Variants in FER observed in about 807,000 individuals in gnomAD.
FER encodes FER tyrosine kinase, also known as tyrosine-protein kinase Fer.
FER carries 63 observed loss-of-function variants against 111.0 expected under a neutral mutation model. The ratio of observed to expected loss-of-function variants is 0.57; its 90% CI spans 0.46 to 0.70. The LOEUF (loss-of-function observed/expected upper bound fraction) is 0.70, where lower values mean the gene tolerates loss of function less well. Ranked by LOEUF, FER falls within the 30% of genes least tolerant of loss-of-function variation. The pLI, the probability that FER is intolerant of heterozygous loss-of-function variation, is 0.00. For missense variants in FER, 914 were observed against 954.0 expected (o/e 0.96, Z 0.55); for synonymous variants, 327 against 313.9 (o/e 1.04, Z -0.44).
At chr5:108,960,588 T>C (rs62377119) in intron 13 of FER, among the ~76,000 whole-genome samples, 13,808 of 152,150 alleles carry the variant, frequency 0.091, 850 homozygotes, top group Non-Finnish European at 0.13. Context: ...TCCTCCTTCA[T>C]CTGTAAATGA....
At chr5:108,835,497 C>T (rs540135927) in intron 4 of FER, among the ~76,000 whole-genome samples, 13 of 152,034 alleles carry the variant, frequency 8.6e-5, no homozygotes, top group African/African-American at 3.1e-4. Flanking sequence ...TTGCTATTCT[C>T]TTAAAAAAGT....
intron 15 of FER, among the ~76,000 whole-genome samples, chr5:109,045,056 A>G (rs371175847): frequency 6.6e-6 from 1 of 151,966 alleles, no homozygotes; most frequent in Non-Finnish European, 1.5e-5. Context: ...ACATATACAT[A>G]TATGTATATA....
At chr5:109,139,605 T>A (rs984035270) in intron 17 of FER, among the ~76,000 whole-genome samples, 1 of 152,124 alleles carries the variant, frequency 6.6e-6, no homozygotes, top group Admixed American at 6.5e-5. Flanking sequence ...TTTGTTTCAC[T>A]TTTTTGCCCA....
At chr5:109,149,713 G>A (rs1254469252) in intron 17 of FER, among the ~76,000 whole-genome samples, 4 of 152,030 alleles carry the variant, frequency 2.6e-5, no homozygotes, top group Non-Finnish European at 5.9e-5. Context: ...ATGGAAACAC[G>A]CTTATAAGAT....
chr5:108,882,563 CG>C (rs918049063), intron 8 of FER, among the ~76,000 whole-genome samples: 13 of 151,734 alleles, frequency 8.6e-5, no homozygotes, highest in African/African-American at 3.1e-4. Flanking sequence ...TTTTTCTGCA[CG>C]AAAAGGGCTC....
intron 1 of FER, among the ~76,000 whole-genome samples, chr5:108,764,075 C>T (rs1446791263): frequency 1.3e-5 from 2 of 152,198 alleles, no homozygotes; most frequent in African/African-American, 4.8e-5. Context: ...TTCCCAGACC[C>T]AGGTTATGTT....
intron 10 of FER, among the ~76,000 whole-genome samples, chr5:108,937,481 A>G (rs1181432219): frequency 6.6e-6 from 1 of 152,020 alleles, no homozygotes. Context: ...TTCAGGTGGT[A>G]ATTGAAGTTG....
At chr5:109,035,140 TCTC>T (rs1340264800) in intron 13 of FER, among the ~76,000 whole-genome samples, 3 of 151,638 alleles carry the variant, frequency 2.0e-5, no homozygotes, top group African/African-American at 7.3e-5. Context: ...TTCAAGCGAT[TCTC>T]CTGCCTCAGC....
intron 17 of FER, among the ~76,000 whole-genome samples, chr5:109,154,232 A>G (rs3814065): frequency 0.39 from 59,142 of 151,682 alleles, 11,747 homozygotes; most frequent in Non-Finnish European, 0.41. Context: ...TAACAGTTAC[A>G]AACCTTTACC....
chr5:109,051,619 A>G lies in FER; in HGVS notation c.1924+4421A>G. The G allele has an allele frequency of 4.4e-6, 7 of 1,599,336 alleles. No individual in the cohort carries two copies. In the South Asian group the frequency reaches 6.6e-5, roughly 15 times the overall value. ...AACCAGCTTGTACCCAGGAAGAGAC[A>G]TAGGCGAGAGGGGAGCAGTTGGTGA... On this transcript the variant is annotated intron_variant, in intron 16 of 19. Coordinates refer to ENST00000281092, the MANE Select transcript of FER (RefSeq NM_005246.4).
At chr5:109,170,301 G>A (rs1347012445) in intron 17 of FER, among the ~76,000 whole-genome samples, 1 of 152,014 alleles carries the variant, frequency 6.6e-6, no homozygotes, top group African/African-American at 2.4e-5. Context: ...ATCTTAAATG[G>A]GAAAGAAAAT....
intron 2 of FER, among the ~76,000 whole-genome samples, chr5:108,796,822 G>A (rs1292411140): frequency 2.6e-5 from 4 of 152,102 alleles, no homozygotes; most frequent in African/African-American, 9.7e-5. Context: ...AAGAGGCAAG[G>A]CCTGGAATTG....
chr5:108,929,494 T>A (rs1276168928), intron 10 of FER, among the ~76,000 whole-genome samples: 1 of 152,186 alleles, frequency 6.6e-6, no homozygotes, highest in Non-Finnish European at 1.5e-5. Context: ...GGTTTATCTG[T>A]TGCATTATTT....
chr5:109,159,117 C>T (rs1047517876), intron 17 of FER, among the ~76,000 whole-genome samples: 10 of 152,038 alleles, frequency 6.6e-5, no homozygotes, highest in African/African-American at 2.4e-4. Context: ...TATCTCTGGC[C>T]AGTTGGGTAA....
chr5:109,031,247 C>T (rs1261170875), intron 13 of FER, among the ~76,000 whole-genome samples: 1 of 152,104 alleles, frequency 6.6e-6, no homozygotes, highest in Admixed American at 6.6e-5. Flanking sequence ...CATCCTGCCA[C>T]TATTCTGTTC....
intron 17 of FER, among the ~76,000 whole-genome samples, chr5:109,142,924 C>T (rs1265210861): frequency 6.6e-6 from 1 of 152,090 alleles, no homozygotes; most frequent in African/African-American, 2.4e-5. Context: ...AATTTTACCT[C>T]TTCAATGTTA....
At chr5:108,879,898 C>T (rs182941927) in intron 8 of FER, among the ~76,000 whole-genome samples, 2 of 151,044 alleles carry the variant, frequency 1.3e-5, no homozygotes, top group African/African-American at 2.4e-5. Context: ...TTAGTAGAGA[C>T]GAGGTTTCAC....
At chr5:108,886,333 A>G (rs1456505958) in intron 9 of FER, among the ~76,000 whole-genome samples, 2 of 151,118 alleles carry the variant, frequency 1.3e-5, no homozygotes, top group Non-Finnish European at 3.0e-5. Flanking sequence ...GGTAGTGGAT[A>G]TATGGAAAGT....
chr5:109,179,263 C>T (rs1758025029), intron 17 of FER, among the ~76,000 whole-genome samples: 1 of 152,118 alleles, frequency 6.6e-6, no homozygotes, highest in South Asian at 2.1e-4. Flanking sequence ...GTGGTGAAAA[C>T]AGGTATCCTT....
Sources: gnomAD v4.1 joint callset for allele counts (sites outside exome capture counted in the v4.1 genomes callset) on GRCh38, gnomAD v4.1.1 for gene constraint, MANE v1.5 for transcripts, NCBI Gene and HGNC (gene_info 2026-07-23, HGNC 2026-07-21) for gene names.